Variants in SLC26A4 observed in about 807,000 individuals in gnomAD.
SLC26A4 encodes solute carrier family 26 member 4.
In SLC26A4, 93 loss-of-function variants were observed where a neutral mutation model predicts 90.4. The observed-to-expected ratio is 1.03, with a 90% CI of 0.87 to 1.22. SLC26A4 has a LOEUF of 1.22. Among genes scored for constraint, SLC26A4 ranks in the 50% most tolerant of loss-of-function variants. The pLI is 0.00. For synonymous variants in SLC26A4, 393 were observed against 354.6 expected (o/e 1.11, Z -1.22); for missense variants, 1,127 against 946.2 (o/e 1.19, Z -2.51).
intron 6 of SLC26A4, among the ~76,000 whole-genome samples, chr7:107,676,032 A>C (rs1265921540): frequency 6.6e-6 from 1 of 152,254 alleles, no homozygotes; most frequent in East Asian, 1.9e-4. Context: ...TTCTAGCCTC[A>C]GCTTTGTCTC....
chr7:107,672,555 G>T (rs552224350), intron 4 of SLC26A4, among the ~76,000 whole-genome samples: 1 of 151,702 alleles, frequency 6.6e-6, no homozygotes, highest in South Asian at 2.1e-4. Flanking sequence ...AGCATGTTTT[G>T]CTTTTTAAAA....
rs1048600047 is a variant in SLC26A4, at chr7:107,695,833, ATTTG to A, written c.1438-94_1438-91del. 3.8e-6 allele frequency: 3 copies of A among 789,814 alleles called. No homozygotes were observed. In the African/African-American group the frequency reaches 5.1e-5, roughly 14 times the overall value. 48.9% of individuals were successfully genotyped at this position (789,814 alleles called of 1,614,324 possible). On this transcript the variant is annotated intron_variant, in intron 12 of 20. Coordinates refer to ENST00000644269, the MANE Select transcript of SLC26A4 (RefSeq NM_000441.2). ...ATCTCAAAAGAAAAAAAAAAATGTA[ATTTG>A]TTTGTGGATCATTGATCTTATTTTT...
chr7:107,682,141 G>C (rs1391121428), intron 6 of SLC26A4, among the ~76,000 whole-genome samples: 1 of 120,048 alleles, frequency 8.3e-6, no homozygotes, highest in African/African-American at 3.1e-5. Context: ...TTTTTTTTAT[G>C]TTATCTTAGT....
At chr7:107,663,493 C>T (rs1790626350) in intron 3 of SLC26A4, 58 bp downstream of exon 3, 2 of 1,586,934 alleles carry the variant, frequency 1.3e-6, no homozygotes, top group Admixed American at 3.3e-5. Flanking sequence ...CACTTCTCCC[C>T]AGCTACCATA....
At chr7:107,697,844 C>G (rs1791781611) in intron 13 of SLC26A4, among the ~76,000 whole-genome samples, 198 bp from the exon 14 acceptor site, 1 of 152,196 alleles carries the variant, frequency 6.6e-6, no homozygotes, top group South Asian at 2.1e-4. Flanking sequence ...AAGAGAGGCA[C>G]AGTTCTCCCC....
intron 18 of SLC26A4, among the ~76,000 whole-genome samples, chr7:107,708,453 T>G (rs1332535455): frequency 6.6e-6 from 1 of 152,224 alleles, no homozygotes; most frequent in East Asian, 1.9e-4. Context: ...TCTCACATCT[T>G]TCCTACCTAG....
At chr7:107,691,443 A>G (rs1158441733) in intron 10 of SLC26A4, among the ~76,000 whole-genome samples, 1 of 151,044 alleles carries the variant, frequency 6.6e-6, no homozygotes, top group South Asian at 2.1e-4. Context: ...TGGAGGTTGC[A>G]GTGAGCCAAT....
At chr7:107,670,205 G>A (rs1259040756) in intron 3 of SLC26A4, among the ~76,000 whole-genome samples, 1 of 151,780 alleles carries the variant, frequency 6.6e-6, no homozygotes, top group Admixed American at 6.6e-5. Flanking sequence ...CGCCTCCTGG[G>A]TTCAAGCAGT....
intron 6 of SLC26A4, among the ~76,000 whole-genome samples, chr7:107,680,392 TATA>T (rs1791197711): frequency 7.0e-6 from 1 of 143,832 alleles, no homozygotes; most frequent in Non-Finnish European, 1.5e-5. Context: ...TATATTATTA[TATA>T]ATCTTATCTT....
At position 107,674,278 on chromosome 7, in the gene SLC26A4, A is replaced by C. The variant is rs1395069567; in HGVS notation, c.530A>C (p.Asp177Ala). 8.7e-6 allele frequency: 14 copies of C among 1,613,862 alleles called. No homozygotes were observed. Among genetic ancestry groups the C allele is most frequent in the Admixed American group, 5.0e-5 (3 of 59,990 alleles). Residue 177 changes from aspartate to alanine, a missense_variant, in exon 5 of 21, where the codon GAC becomes GCC. Coordinates refer to ENST00000644269, the MANE Select transcript of SLC26A4 (RefSeq NM_000441.2). ...NGTVLNTTMI[D>A]TAARDTARVL... ...ACTGTATTAAATACTACTATGATAG[A>C]CACTGCAGCTAGAGATACAGCTAGA...
At chr7:107,677,952 T>A (rs1191245552) in intron 6 of SLC26A4, among the ~76,000 whole-genome samples, 2 of 152,108 alleles carry the variant, frequency 1.3e-5, no homozygotes, top group African/African-American at 4.8e-5. Context: ...TTTAAGATTT[T>A]ATTTTGGTAG....
At chr7:107,680,409 A>T (rs1336558485) in intron 6 of SLC26A4, among the ~76,000 whole-genome samples, 1 of 144,162 alleles carries the variant, frequency 6.9e-6, no homozygotes, top group Non-Finnish European at 1.5e-5. Context: ...TTATCTTATT[A>T]TATAATCTTA....
chr7:107,680,059 A>T lies in SLC26A4; in HGVS notation c.766-3143A>T, dbSNP rs1471727201. Among the ~76,000 whole-genome samples the T allele has an allele frequency of 6.2e-5, 8 of 128,414 alleles. 1 individual carries two copies. Among genetic ancestry groups the T allele is most frequent in the Admixed American group, 3.2e-4 (4 of 12,506 alleles). The allele number at this position is 128,414 out of a possible 152,430, so 84.2% of individuals were successfully genotyped here. On this transcript the variant is annotated intron_variant, in intron 6 of 20. Coordinates refer to ENST00000644269, the MANE Select transcript of SLC26A4 (RefSeq NM_000441.2). The stretch of plus-strand genomic sequence containing the variant: ...ATAATCTTATCTTATTATATAATAT[A>T]ATCTTATTATATAATATATTCTTAT...
chr7:107,680,936 G>A (rs1295646986), intron 6 of SLC26A4, among the ~76,000 whole-genome samples: 1 of 152,070 alleles, frequency 6.6e-6, no homozygotes, highest in Non-Finnish European at 1.5e-5. Flanking sequence ...GAATTAATTA[G>A]GGTCATTCAT....
chr7:107,681,304 G>A (rs898699663), intron 6 of SLC26A4, among the ~76,000 whole-genome samples: 2 of 152,022 alleles, frequency 1.3e-5, no homozygotes, highest in South Asian at 2.1e-4. Flanking sequence ...ATGCATAATA[G>A]CTTCTCCCCC....
At chr7:107,687,267 C>A (rs974106697) in intron 8 of SLC26A4, among the ~76,000 whole-genome samples, 2 of 152,174 alleles carry the variant, frequency 1.3e-5, no homozygotes, top group Non-Finnish European at 2.9e-5. Flanking sequence ...AGAGTTATAT[C>A]CACAGAAGGA....
chr7:107,661,704 G>A lies in SLC26A4; in HGVS notation c.63G>A (p.Met21Ile), dbSNP rs1790557853. The change falls in exon 2 of 21, where the codon ATG becomes ATA. Residue 21 changes from methionine to isoleucine, a missense_variant. By Grantham distance (10) the Met-to-Ile change is conservative. Coordinates refer to ENST00000644269, the MANE Select transcript of SLC26A4 (RefSeq NM_000441.2). The surrounding 1 kb of genome is among the most constrained non-coding windows in gnomAD (Gnocchi z 5.1). ...TCCCCGAGTACAGCTGCAGCTACAT[G>A]GTGTCGCGGCCGGTCTACAGCGAGC... ...PQLPEYSCSY[M>I]VSRPVYSELA... 1.3e-6 allele frequency: 2 copies of A among 1,570,350 alleles called. No homozygotes were observed. The highest frequency in any genetic ancestry group is 2.3e-5 in the South Asian group (2 of 86,086).
chr7:107,674,384 AT>A, intron 5 of SLC26A4, 36 bp downstream of exon 5: 1 of 1,446,064 alleles, frequency 6.9e-7, no homozygotes, highest in Non-Finnish European at 9.7e-7. Flanking sequence ...GATGGATGTA[AT>A]TTTTATTTGA....
chr7:107,675,335 G>GAA (rs144378387), intron 6 of SLC26A4, among the ~76,000 whole-genome samples: 2 of 139,608 alleles, frequency 1.4e-5, no homozygotes, highest in African/African-American at 5.2e-5. Context: ...GAAAAAGAAA[G>GAA]AAAAAATCCA....
Sources: gnomAD v4.1 joint callset for allele counts (sites outside exome capture counted in the v4.1 genomes callset) on GRCh38, gnomAD v4.1.1 for gene constraint, Gnocchi (gnomAD v3.1) non-coding constraint, MANE v1.5 for transcripts, NCBI Gene and HGNC (gene_info 2026-07-23, HGNC 2026-07-21) for gene names.